CACNB2: variants seen among roughly 807,000 people sequenced by gnomAD.
CACNB2 encodes calcium voltage-gated channel auxiliary subunit beta 2.
A neutral mutation model predicts 73.3 loss-of-function variants in CACNB2; 42 were observed. That is an observed-to-expected ratio of 0.57 (90% CI 0.45 to 0.74). CACNB2 has a LOEUF of 0.74. Among genes scored for constraint, CACNB2 ranks in the 30% least tolerant of loss-of-function variants. CACNB2 has a pLI of 0.00. For missense variants in CACNB2, 940 were observed against 853.0 expected, an observed-to-expected ratio of 1.10 and a Z score of -1.27; for synonymous variants, 348 against 310.3, an observed-to-expected ratio of 1.12 and a Z score of -1.28.
chr10:18,432,101 AT>A (rs1218949604), intron 3 of CACNB2, among the ~76,000 whole-genome samples: 10 of 152,214 alleles, frequency 6.6e-5, no homozygotes, highest in African/African-American at 2.2e-4. Context: ...ATATCAATTA[AT>A]TTTAGAAATA....
At chr10:18,450,428 G>A (rs1387135424) in intron 3 of CACNB2, among the ~76,000 whole-genome samples, 2 of 152,030 alleles carry the variant, frequency 1.3e-5, no homozygotes, top group Non-Finnish European at 2.9e-5. Flanking sequence ...AAGGGCCTGT[G>A]GTGAATAATG....
chr10:18,160,543 T>C (rs2032383963), intron 2 of CACNB2, among the ~76,000 whole-genome samples: 1 of 152,218 alleles, frequency 6.6e-6, no homozygotes, highest in African/African-American at 2.4e-5. Context: ...ATCTTGATTA[T>C]CTAATATAAA....
At chr10:18,257,687 C>G (rs2037341393) in intron 2 of CACNB2, among the ~76,000 whole-genome samples, 1 of 152,146 alleles carries the variant, frequency 6.6e-6, no homozygotes, top group South Asian at 2.1e-4. Context: ...ATTTTTCCTT[C>G]CAGGGATGGT....
At chr10:18,258,158 C>T (rs79000083) in intron 2 of CACNB2, among the ~76,000 whole-genome samples, 2 of 152,158 alleles carry the variant, frequency 1.3e-5, no homozygotes, top group East Asian at 1.9e-4. Flanking sequence ...AAATGTTTGC[C>T]GAATCAAATT....
chr10:18,439,005 G>A (rs1224727330), intron 3 of CACNB2, among the ~76,000 whole-genome samples: 1 of 152,218 alleles, frequency 6.6e-6, no homozygotes, highest in Non-Finnish European at 1.5e-5. Flanking sequence ...GGTCATCGGG[G>A]AGAAAATAAC....
chr10:18,521,916 C>A (rs1318967302), intron 9 of CACNB2, among the ~76,000 whole-genome samples: 4 of 152,206 alleles, frequency 2.6e-5, no homozygotes, highest in Non-Finnish European at 5.9e-5. Context: ...GGTCACAGAT[C>A]AGTACTGGTC....
chr10:18,265,460 G>T (rs909012383), intron 2 of CACNB2, among the ~76,000 whole-genome samples: 1 of 152,078 alleles, frequency 6.6e-6, no homozygotes, highest in Admixed American at 6.6e-5. Flanking sequence ...TGAAGTACCT[G>T]TTCAAGTATC....
At chr10:18,180,734 G>T (rs1034171900) in intron 2 of CACNB2, among the ~76,000 whole-genome samples, 1 of 151,934 alleles carries the variant, frequency 6.6e-6, no homozygotes, top group Non-Finnish European at 1.5e-5. Context: ...TGGGAGGCAC[G>T]GGCCGGCGGA....
At chr10:18,347,853 T>G (rs570314701) in intron 2 of CACNB2, among the ~76,000 whole-genome samples, 1 of 152,342 alleles carries the variant, frequency 6.6e-6, no homozygotes, top group East Asian at 1.9e-4. Context: ...TTAATGAGAT[T>G]TAATGTTCAA....
rs1400363337 is a variant in CACNB2 at position 18,484,211 on chromosome 10, T to A, written c.334-14144T>A. ...GAGTTCAAGACCAGCCTGGTCAACA[T>A]GGTGAAACTCCATCTGTACTAAAAA... is the stretch of plus-strand genomic sequence containing the variant. On this transcript the variant is annotated intron_variant, in intron 3 of 13. Transcript: ENST00000324631. 4.6e-5 allele frequency among the ~76,000 whole-genome samples: 7 copies of A among 152,220 alleles called. No individual in the cohort carries two copies. In the East Asian group the frequency reaches 1.2e-3, roughly 25 times the overall value.
chr10:18,255,874 A>G (rs1002774304), intron 2 of CACNB2, among the ~76,000 whole-genome samples: 1 of 152,226 alleles, frequency 6.6e-6, no homozygotes, highest in African/African-American at 2.4e-5. Flanking sequence ...CTGCTACAGA[A>G]GGCTTCTTTA....
intron 3 of CACNB2, among the ~76,000 whole-genome samples, chr10:18,429,621 G>A (rs1270769039): frequency 3.4e-5 from 5 of 146,954 alleles, no homozygotes; most frequent in African/African-American, 1.3e-4. Context: ...GTGCCCAGGA[G>A]TTCAAGACCA....
intron 2 of CACNB2, among the ~76,000 whole-genome samples, chr10:18,174,194 C>G (rs568700625): frequency 7.3e-5 from 11 of 150,866 alleles, no homozygotes; most frequent in African/African-American, 2.7e-4. Flanking sequence ...ACCTCCCTCC[C>G]TCCCTCCTTC....
At chr10:18,478,443 T>C (rs2048550221) in intron 3 of CACNB2, among the ~76,000 whole-genome samples, 1 of 152,210 alleles carries the variant, frequency 6.6e-6, no homozygotes, top group East Asian at 1.9e-4. Flanking sequence ...GTGAAAAATG[T>C]ATAGAATGGT....
At chr10:18,454,514 T>A (rs562946209) in intron 3 of CACNB2, among the ~76,000 whole-genome samples, 1 of 152,342 alleles carries the variant, frequency 6.6e-6, no homozygotes, top group South Asian at 2.1e-4. Context: ...ATTGTTTTTT[T>A]ACCCCCTAAG....
At chr10:18,401,539 T>A (rs2043997310) in intron 2 of CACNB2, among the ~76,000 whole-genome samples, 2 of 152,334 alleles carry the variant, frequency 1.3e-5, no homozygotes, top group Admixed American at 6.5e-5. Context: ...TTGTTAAGCT[T>A]AATGTCCTCC....
intron 3 of CACNB2, among the ~76,000 whole-genome samples, chr10:18,463,316 G>A (rs2047682070): frequency 1.3e-5 from 2 of 151,894 alleles, no homozygotes; most frequent in Admixed American, 6.6e-5. Context: ...TTGAGCCCAG[G>A]AGTTCAAGAT....
At chr10:18,154,639 C>T (rs565106439) in intron 2 of CACNB2, among the ~76,000 whole-genome samples, 17 of 151,844 alleles carry the variant, frequency 1.1e-4, no homozygotes, top group Non-Finnish European at 2.2e-4. Context: ...GGCTAATATT[C>T]GTATTTTTAG....
intron 2 of CACNB2, among the ~76,000 whole-genome samples, chr10:18,220,976 T>C (rs1390401216): frequency 2.6e-5 from 4 of 152,158 alleles, no homozygotes; most frequent in Admixed American, 1.3e-4. Context: ...AATGGTTCCC[T>C]TTTATAGAAA....
Sources: allele counts gnomAD v4.1 joint callset (sites outside exome capture counted in the v4.1 genomes callset), GRCh38; gene constraint gnomAD v4.1.1; transcripts MANE v1.5; gene names NCBI Gene and HGNC (gene_info 2026-07-23, HGNC 2026-07-21).